The following FBXO41 variants were observed in gnomAD, a reference collection of about 807,000 sequenced individuals.
FBXO41 encodes F-box only protein 41.
Under a neutral mutation model 81.6 loss-of-function variants are expected in FBXO41, and 33 were observed. The ratio of observed to expected loss-of-function variants is 0.40; its 90% CI spans 0.31 to 0.54. The LOEUF (loss-of-function observed/expected upper bound fraction) is 0.54. Among genes scored for constraint, FBXO41 ranks in the 20% least tolerant of loss-of-function variants. The pLI is 0.39. For synonymous variants in FBXO41, 576 were observed against 552.7 expected (o/e 1.04, Z -0.59); for missense variants, 1,107 against 1,236.0 (o/e 0.90, Z 1.56).
chr2:73,264,130 A>G (rs1347654400), intron 6 of FBXO41, 77 bp from the exon 7 acceptor site: 3 of 1,551,848 alleles, frequency 1.9e-6, no homozygotes, highest in Non-Finnish European at 2.6e-6. Context: ...GCCCCAGGAT[A>G]GAAGGCCCCA....
intron 1 of FBXO41, among the ~76,000 whole-genome samples, chr2:73,271,697 C>T: frequency 6.8e-6 from 1 of 146,968 alleles, no homozygotes; most frequent in African/African-American, 2.5e-5. Flanking sequence ...GTGGTGCAGT[C>T]TCGGCTCACT....
chr2:73,282,887 C>T (rs1229717480), intron 1 of FBXO41, among the ~76,000 whole-genome samples: 1 of 152,118 alleles, frequency 6.6e-6, no homozygotes, highest in Non-Finnish European at 1.5e-5. Context: ...CCTCCCGGTC[C>T]CCACCTCCCC....
chr2:73,276,252 A>G (rs1441212434), intron 1 of FBXO41, among the ~76,000 whole-genome samples: 2 of 151,456 alleles, frequency 1.3e-5, no homozygotes, highest in Non-Finnish European at 2.9e-5. Flanking sequence ...TCTACTAAAA[A>G]TACAAAAATT....
At position 73,259,521 on chromosome 2, in the gene FBXO41, C is replaced by T. The variant is rs1286760865; in HGVS notation, c.2450-225G>A. On this transcript the variant is annotated intron_variant, in intron 11 of 12. Coordinates refer to ENST00000520530, the MANE Select transcript of FBXO41 (RefSeq NM_001371389.2). This position sits in a 1 kb window ranked among gnomAD's most constrained non-coding sequence, Gnocchi z 4.2. Reference sequence around the variant, plus strand: ...ATTGGCCTCTGGGAGGGTGAGTGGGCAGCCACCAGCTGTCCAAAGCCTCTA... The same window carrying T: ...ATTGGCCTCTGGGAGGGTGAGTGGGTAGCCACCAGCTGTCCAAAGCCTCTA... Among the ~76,000 whole-genome samples the T allele has an allele frequency of 1.3e-5, 2 of 152,168 alleles. No individual in the cohort carries two copies. The highest frequency in any genetic ancestry group is 4.8e-5 in the African/African-American group (2 of 41,418).
rs1687927521 is a variant in FBXO41, at chr2:73,259,378, CA to C, written c.2450-83del. The C allele has an allele frequency of 8.5e-7, 1 of 1,183,136 alleles. No homozygotes were observed. Among genetic ancestry groups the C allele is most frequent in the African/African-American group, 1.5e-5 (1 of 66,538 alleles). The allele number at this position is 1,183,136 out of a possible 1,614,324, so 73.3% of individuals were successfully genotyped here. A position where few individuals can be genotyped will look rare whatever the true frequency, so the allele number is the denominator to read the frequency against. On this transcript the variant is annotated intron_variant, in intron 11 of 12. Transcript: ENST00000520530. This position sits in a 1 kb window ranked among gnomAD's most constrained non-coding sequence, Gnocchi z 4.2. ...CTCTCCTCTCACTAATTAATGAAAT[CA>C]GACAATCAGGTGCCAGCTACCGGGA...
At chr2:73,265,867 T>C (rs376585575) in intron 4 of FBXO41, 26 bp downstream of exon 4, 1 of 1,564,378 alleles carries the variant, frequency 6.4e-7, no homozygotes, top group Non-Finnish European at 8.7e-7. Context: ...GTGGGCTGCA[T>C]GGGGTGGGCT....
chr2:73,265,063 G>GT (rs1553383088), intron 5 of FBXO41, among the ~76,000 whole-genome samples: 1 of 152,128 alleles, frequency 6.6e-6, no homozygotes, highest in Non-Finnish European at 1.5e-5. Context: ...CACGTGAATG[G>GT]CCCCCCTGCC....
Position 73,264,443 on chromosome 2 carries a change from G to A in FBXO41, c.1641C>T (p.Ser547=). 4 of 1,613,992 alleles carry A rather than the reference G, an allele frequency of 2.5e-6. No individual in the cohort carries two copies. The highest frequency in any genetic ancestry group is 3.4e-6 in the Non-Finnish European group (4 of 1,179,896). The part of the protein sequence containing the change: ...VSPSRSNEVI[S]PEILKMRAAL... ...CAGCTCGCATCTTCAGGATCTCTGG[G>A]CTGATGACCTCATTGGAGCGTGAGG... The change falls in exon 6 of 13, where the codon AGC becomes AGT. Residue 547 remains serine (S), a synonymous_variant. Coordinates refer to ENST00000520530, the MANE Select transcript of FBXO41 (RefSeq NM_001371389.2).
Position 73,260,537 on chromosome 2 carries a change from G to A in FBXO41, c.2301C>T (p.Cys767=). ...CAAGCTCCAGGACCTGCAGCCGCATGCAGTTTCTCGCTAGGAAGAGGAAGA... is the reference window on the plus strand; with the variant it reads ...CAAGCTCCAGGACCTGCAGCCGCATACAGTTTCTCGCTAGGAAGAGGAAGA... The part of the protein sequence containing the change: ...VQGLASLARN[C]MRLQVLELDH... Residue 767 remains cysteine, a synonymous_variant, in exon 11 of 13, where the codon TGC becomes TGT. Transcript: ENST00000520530. This position sits in a 1 kb window ranked among gnomAD's most constrained non-coding sequence, Gnocchi z 5.0. 6.3e-7 allele frequency: 1 copy of A among 1,592,006 alleles called. No homozygotes were observed. The highest frequency in any genetic ancestry group is 8.6e-7 in the Non-Finnish European group (1 of 1,169,460).
At position 73,265,524 on chromosome 2, in the gene FBXO41, C is replaced by T. The variant is rs2103873980; in HGVS notation, c.1322G>A (p.Gly441Asp). Residue 441 changes from glycine to aspartate, a missense_variant, in exon 5 of 13, where the codon GGC (glycine) becomes GAC (aspartate). By Grantham distance (94) the Gly-to-Asp change is moderately conservative. This residue lies in a region of FBXO41 where 771 missense variants were observed against 789.2 expected (regional missense o/e 0.98). Coordinates refer to ENST00000520530, the MANE Select transcript of FBXO41 (RefSeq NM_001371389.2). ...APEDSGPGGL[G>D]TRAQAANGGS... The stretch of plus-strand genomic sequence containing the variant: ...CCCGTTGGCAGCCTGGGCCCGTGTG[C>T]CCAAGCCCCCAGGGCCACTGTCCTC... The T allele has an allele frequency of 6.3e-7, 1 of 1,595,080 alleles. No homozygotes were observed. Among genetic ancestry groups the T allele is most frequent in the South Asian group, 1.1e-5 (1 of 88,822 alleles).
rs572257855 is a variant in FBXO41 at position 73,257,514 on chromosome 2, C to G, written c.*1468G>C. The stretch of plus-strand genomic sequence containing the variant: ...TGGGTAACGAGGGGACCCCATCCCC[C>G]GCCAGGACCAGCAGCCTAATGGCTA... On this transcript the variant is annotated 3_prime_UTR_variant, in exon 13 of 13. Transcript: ENST00000520530. This position sits in a 1 kb window ranked among gnomAD's most constrained non-coding sequence, Gnocchi z 4.6. 2.8e-4 allele frequency: 42 copies of G among 152,348 alleles called. No homozygotes were observed. Among genetic ancestry groups the G allele is most frequent in the Admixed American group, 2.7e-3 (41 of 15,296 alleles). 9.4% of individuals were successfully genotyped at this position (152,348 alleles called of 1,614,324 possible).
At position 73,256,939 on chromosome 2, in the gene FBXO41, G is replaced by A. The variant is rs1184210308; in HGVS notation, c.*2043C>T. ...CAGTTGGGCAGGCTCAAGCCAAGCA[G>A]GGCATCCCTTTGTGCTTTGTCTAGG... is the stretch of plus-strand genomic sequence containing the variant. On this transcript the variant is annotated 3_prime_UTR_variant, in exon 13 of 13. Coordinates refer to ENST00000520530, the MANE Select transcript of FBXO41 (RefSeq NM_001371389.2). The A allele has an allele frequency of 6.5e-6, 1 of 152,916 alleles. No individual in the cohort carries two copies. Among genetic ancestry groups the A allele is most frequent in the Non-Finnish European group, 1.5e-5 (1 of 68,288 alleles). 9.5% of individuals were successfully genotyped at this position (152,916 alleles called of 1,614,324 possible).
At chr2:73,276,369 T>C (rs1157989131) in intron 1 of FBXO41, among the ~76,000 whole-genome samples, 1 of 151,558 alleles carries the variant, frequency 6.6e-6, no homozygotes, top group African/African-American at 2.4e-5. Context: ...ATTCCGCCAT[T>C]GCACTCCAGC....
intron 1 of FBXO41, among the ~76,000 whole-genome samples, chr2:73,279,573 G>A (rs978804677): frequency 3.3e-5 from 5 of 152,212 alleles, no homozygotes; most frequent in African/African-American, 1.2e-4. Context: ...GGAGAGGAGT[G>A]AGCAACAGTG....
At chr2:73,279,318 G>A (rs1688783744) in intron 1 of FBXO41, among the ~76,000 whole-genome samples, 1 of 152,122 alleles carries the variant, frequency 6.6e-6, no homozygotes, top group East Asian at 1.9e-4. Flanking sequence ...GGTTCCAGTG[G>A]GCCGTGGAAG....
In FBXO41 at chr2:73,282,985, T is replaced by G. The variant is rs528664885; in HGVS notation, c.-139+1175A>C. 5.9e-5 allele frequency among the ~76,000 whole-genome samples: 9 copies of G among 152,214 alleles called. No individual in the cohort carries two copies. The South Asian group carries it at 1.7e-3, about 28-fold the overall frequency. ...CCTCTCTTTCCATATAAAATCCACA[T>G]GCAGAAAAGGGGCTGAGAAGGTGGA... On this transcript the variant is annotated intron_variant, in intron 1 of 12. Coordinates refer to ENST00000520530, the MANE Select transcript of FBXO41 (RefSeq NM_001371389.2).
chr2:73,265,709 C>T (rs1688235945), intron 4 of FBXO41, 69 bp from the exon 5 acceptor site: 9 of 1,448,402 alleles, frequency 6.2e-6, no homozygotes, highest in Non-Finnish European at 8.2e-6. Context: ...CCATCCTGCC[C>T]CTACCATCAG....
At chr2:73,262,739 C>CTATTTATTTATT (rs770741983) in intron 9 of FBXO41, among the ~76,000 whole-genome samples, 1 of 151,966 alleles carries the variant, frequency 6.6e-6, no homozygotes, top group South Asian at 2.1e-4. Flanking sequence ...TTTTATTTAT[C>CTATTTATTTATT]TATTTATTTA....
intron 1 of FBXO41, among the ~76,000 whole-genome samples, chr2:73,275,222 C>A (rs1236151163): frequency 6.7e-6 from 1 of 149,652 alleles, no homozygotes; most frequent in Admixed American, 6.7e-5. Context: ...CTTTGTCGCC[C>A]AGGTTGGAGT....
Sources: gnomAD v4.1 joint callset for allele counts (sites outside exome capture counted in the v4.1 genomes callset) on GRCh38, gnomAD v4.1.1 for gene constraint, gnomAD v4.1.1 regional missense constraint, Gnocchi (gnomAD v3.1) non-coding constraint, MANE v1.5 for transcripts, NCBI Gene and HGNC (gene_info 2026-07-23, HGNC 2026-07-21) for gene names.